Variants in LOC400499 observed in about 807,000 individuals in gnomAD.
the LOC400499 span, chr16:11,456,994 G>A: frequency 6.5e-7 from 1 of 1,535,602 alleles, no homozygotes. Flanking sequence ...AAGTGGTAAA[G>A]CTGCACGCGG....
At chr16:11,452,340 C>G in the LOC400499 span, among the ~76,000 whole-genome samples, 1 of 151,572 alleles carries the variant, frequency 6.6e-6, no homozygotes, top group African/African-American at 2.4e-5. Flanking sequence ...GATCCAGGTT[C>G]TAATTGTCTC....
chr16:11,441,981 T>C, the LOC400499 span, among the ~76,000 whole-genome samples: 3 of 152,174 alleles, frequency 2.0e-5, no homozygotes, highest in African/African-American at 7.2e-5. Flanking sequence ...AATTACTCCA[T>C]CATTTATTCA....
At chr16:11,459,618 G>T in the LOC400499 span, among the ~76,000 whole-genome samples, 1 of 152,248 alleles carries the variant, frequency 6.6e-6, no homozygotes, top group African/African-American at 2.4e-5. Context: ...CTCTGGGAAA[G>T]ACTAAAAGCG....
the LOC400499 span, among the ~76,000 whole-genome samples, chr16:11,448,503 C>T: frequency 3.3e-5 from 5 of 151,248 alleles, no homozygotes; most frequent in Admixed American, 1.3e-4. Flanking sequence ...ACAGCAATAC[C>T]TCGTGTCTGC....
the LOC400499 span, chr16:11,372,140 CAG>C: frequency 2.6e-5 from 4 of 152,230 alleles, no homozygotes; most frequent in African/African-American, 9.6e-5. Context: ...CCTACCAAAA[CAG>C]AGGCCCTCCC....
chr16:11,518,548 C>T, the LOC400499 span, among the ~76,000 whole-genome samples: 12 of 152,010 alleles, frequency 7.9e-5, no homozygotes, highest in African/African-American at 2.7e-4. Context: ...AAGGGGTGAT[C>T]GGCAGGTGTG....
the LOC400499 span, among the ~76,000 whole-genome samples, chr16:11,376,185 C>G: frequency 4.5e-4 from 69 of 152,312 alleles, no homozygotes; most frequent in African/African-American, 1.5e-3. Flanking sequence ...TTAATAGTAT[C>G]CTTCAATGCG....
chr16:11,385,303 A>ATGTGT, the LOC400499 span: 2 of 1,232,310 alleles, frequency 1.6e-6, no homozygotes, highest in Middle Eastern at 3.1e-4. Context: ...GTCAGCGAGA[A>ATGTGT]TGTGTTGTGA....
chr16:11,392,763 C>CAGG, the LOC400499 span: 107 of 983,960 alleles, frequency 1.1e-4, no homozygotes, highest in African/African-American at 1.7e-3. Flanking sequence ...GACACCAAGG[C>CAGG]AGGAGTACAG....
chr16:11,398,242 G>A, the LOC400499 span: 15 of 1,011,694 alleles, frequency 1.5e-5, no homozygotes, highest in South Asian at 5.2e-5. Context: ...GTGGCGTCTG[G>A]CTGCCTCGCT....
the LOC400499 span, among the ~76,000 whole-genome samples, chr16:11,397,605 G>A: frequency 1.3e-5 from 2 of 152,150 alleles, no homozygotes; most frequent in Admixed American, 1.3e-4. Context: ...CAGCCGTAAG[G>A]ATTCATTTAC....
chr16:11,413,818 A>G, the LOC400499 span, among the ~76,000 whole-genome samples: 3 of 152,286 alleles, frequency 2.0e-5, no homozygotes, highest in East Asian at 1.9e-4. Flanking sequence ...CCTCCACATT[A>G]TAGGTAATAT....
chr16:11,516,828 G>A, the LOC400499 span, among the ~76,000 whole-genome samples: 3 of 152,028 alleles, frequency 2.0e-5, no homozygotes, highest in Non-Finnish European at 4.4e-5. Flanking sequence ...TAAACCTTTT[G>A]TAGAGATAGA....
At chr16:11,430,165 CACA>C in the LOC400499 span, among the ~76,000 whole-genome samples, 1 of 152,124 alleles carries the variant, frequency 6.6e-6, no homozygotes, top group Non-Finnish European at 1.5e-5. Context: ...AGGGCTGTTT[CACA>C]ACATGACTGC....
At chr16:11,479,180 C>T in the LOC400499 span, among the ~76,000 whole-genome samples, 12 of 152,298 alleles carry the variant, frequency 7.9e-5, no homozygotes, top group Non-Finnish European at 1.3e-4. Context: ...CCAGATGAGG[C>T]GTGCAAAACT....
the LOC400499 span, among the ~76,000 whole-genome samples, chr16:11,382,682 C>T: frequency 0.31 from 46,476 of 151,980 alleles, 7,838 homozygotes; most frequent in African/African-American, 0.43. Flanking sequence ...TGGTGGCTCC[C>T]GCCTGTCATT....
chr16:11,477,797 C>T, the LOC400499 span: 12 of 398,784 alleles, frequency 3.0e-5, no homozygotes, highest in South Asian at 1.3e-3. Flanking sequence ...ACCTAACCTG[C>T]GCCAGCTCCC....
the LOC400499 span, chr16:11,459,889 G>A: frequency 7.3e-7 from 1 of 1,378,968 alleles, no homozygotes; most frequent in East Asian, 2.7e-5. Flanking sequence ...GCAGTGGCCA[G>A]GCTCACCTCC....
the LOC400499 span, among the ~76,000 whole-genome samples, chr16:11,510,967 G>A: frequency 0.59 from 89,595 of 150,684 alleles, 27,549 homozygotes; most frequent in Admixed American, 0.66. Flanking sequence ...CAGAGGCCAC[G>A]TGCCAGGTGC....
Sources: gnomAD v4.1 joint callset for allele counts (sites outside exome capture counted in the v4.1 genomes callset) on GRCh38, gnomAD v4.1.1 for gene constraint, MANE v1.5 for transcripts.